The following LPIN3 variants were observed in gnomAD, a reference collection of about 807,000 sequenced individuals.
LPIN3 encodes lipin 3, also known as phosphatidate phosphatase LPIN3.
LPIN3 carries 82 observed loss-of-function variants against 94.7 expected under a neutral mutation model. The observed-to-expected ratio is 0.87, with a 90% CI of 0.72 to 1.04. The LOEUF (loss-of-function observed/expected upper bound fraction) is 1.04, where lower values mean the gene tolerates loss of function less well. Ranked by LOEUF, LPIN3 falls within the 50% of genes least tolerant of loss-of-function variation. The probability of loss-of-function intolerance (pLI) is 0.00; values close to 1 mark genes in which losing one functional copy is unlikely to be tolerated. For synonymous variants in LPIN3, 418 were observed against 443.3 expected, an observed-to-expected ratio of 0.94 and a Z score of 0.72; for missense variants, 996 against 1,090.5, an observed-to-expected ratio of 0.91 and a Z score of 1.22.
intron 2 of LPIN3, 90 bp downstream of exon 2, chr20:41,346,085 C>T: frequency 1.5e-6 from 2 of 1,329,374 alleles, no homozygotes; most frequent in Non-Finnish European, 1.0e-6. Flanking sequence ...GACCTGGGGC[C>T]TCCCTTAGGT....
Position 41,350,049 on chromosome 20 carries a change from C to CG in LPIN3, c.760-6_760-5insG. 6.3e-7 allele frequency: 1 copy of CG among 1,587,380 alleles called. No homozygotes were observed. The highest frequency in any genetic ancestry group is 8.6e-7 in the Non-Finnish European group (1 of 1,163,976). ...CCCACATCTTCCTCCATTTGTTCCA[C>CG]TAAAGGTGGCCAGAGCTGAGCGGCC... On this transcript the variant is annotated splice_region_variant and splice_polypyrimidine_tract_variant and intron_variant, in intron 6 of 19. Coordinates refer to ENST00000373257, the MANE Select transcript of LPIN3 (RefSeq NM_022896.3).
intron 9 of LPIN3, 145 bp downstream of exon 9, chr20:41,352,365 G>T (rs981728709): frequency 2.0e-6 from 2 of 992,092 alleles, no homozygotes; most frequent in African/African-American, 1.6e-5. Context: ...TCCACACTCC[G>T]CCAGCAGGGG....
chr20:41,358,944 T>TGGA lies in LPIN3; in HGVS notation c.*80_*82dup, dbSNP rs888802271. 1.3e-4 allele frequency: 208 copies of TGGA among 1,545,346 alleles called. 1 individual carries two copies. Among genetic ancestry groups the TGGA allele is most frequent in the Admixed American group, 8.2e-4 (44 of 53,396 alleles). On this transcript the variant is annotated 3_prime_UTR_variant, in exon 20 of 20. Coordinates refer to ENST00000373257, the MANE Select transcript of LPIN3 (RefSeq NM_022896.3). The stretch of plus-strand genomic sequence containing the variant: ...TCCTGGGGTATAGGAGGGTGGGAAT[T>TGGA]GGAGTGTCATGGGGCAAACCCACTG...
intron 1 of LPIN3, among the ~76,000 whole-genome samples, chr20:41,343,081 C>A (rs1033911914): frequency 2.0e-5 from 3 of 152,192 alleles, no homozygotes; most frequent in Non-Finnish European, 4.4e-5. Context: ...GTGCTACTGG[C>A]ATCTAATGGG....
chr20:41,354,782 C>A, intron 12 of LPIN3, 38 bp from the exon 13 acceptor site: 2 of 1,612,212 alleles, frequency 1.2e-6, no homozygotes, highest in Non-Finnish European at 1.7e-6. Context: ...CAGCACAGGG[C>A]GGGAGGTGGG....
Position 41,349,143 on chromosome 20 carries a change from C to T in LPIN3, c.609C>T (p.Tyr203=), listed in dbSNP as rs776447845. Reference sequence around the variant, plus strand: ...TGCAGCCCAAAGACATCTACCCCTACTCGGATGGCGAGTGGCCCCCCCAGG... The same window carrying T: ...TGCAGCCCAAAGACATCTACCCCTATTCGGATGGCGAGTGGCCCCCCCAGG... The part of the protein sequence containing the change: ...SSLQPKDIYP[Y]SDGEWPPQAS... Residue 203 remains tyrosine (Y), a synonymous_variant, in exon 5 of 20, where the codon TAC becomes TAT. Coordinates refer to ENST00000373257, the MANE Select transcript of LPIN3 (RefSeq NM_022896.3). 2.5e-6 allele frequency: 4 copies of T among 1,614,090 alleles called. No homozygotes were observed. The highest frequency in any genetic ancestry group is 1.3e-5 in the African/African-American group (1 of 74,942).
At chr20:41,342,835 G>A (rs1374947967) in intron 1 of LPIN3, among the ~76,000 whole-genome samples, 1 of 152,202 alleles carries the variant, frequency 6.6e-6, no homozygotes, top group Non-Finnish European at 1.5e-5. Context: ...ATCTGAGGGA[G>A]ATGGGTCTAA....
At chr20:41,349,735 G>T in intron 5 of LPIN3, 39 bp from the exon 6 acceptor site, 1 of 1,584,004 alleles carries the variant, frequency 6.3e-7, no homozygotes, top group South Asian at 1.1e-5. Flanking sequence ...AGCGGGGATG[G>T]GTAGGCAGGC....
At chr20:41,350,727 C>T (rs1425134791) in intron 7 of LPIN3, among the ~76,000 whole-genome samples, 1 of 151,990 alleles carries the variant, frequency 6.6e-6, no homozygotes, top group Non-Finnish European at 1.5e-5. Context: ...GCAGAGGAAA[C>T]AGTATGTGCC....
chr20:41,352,937 C>A, intron 11 of LPIN3, 70 bp downstream of exon 11: 1 of 1,548,172 alleles, frequency 6.5e-7, no homozygotes, highest in Non-Finnish European at 8.9e-7. Context: ...AGACCCTTAG[C>A]AAGGAAGTGA....
rs750769232 is a variant in LPIN3, at chr20:41,352,240, A to G, written c.1363+20A>G. 1 of 1,613,340 alleles carries G rather than the reference A, an allele frequency of 6.2e-7. No individual in the cohort carries two copies. Among genetic ancestry groups the G allele is most frequent in the Admixed American group, 1.7e-5 (1 of 59,998 alleles). On this transcript the variant is annotated intron_variant, in intron 9 of 19. Coordinates refer to ENST00000373257, the MANE Select transcript of LPIN3 (RefSeq NM_022896.3). ...CCCTAGGTATGTTCGACCATGGCCA[A>G]GCCCTTTTGAGGGCTGGTGCTGAGC...
chr20:41,349,833 C>G lies in LPIN3; in HGVS notation c.698C>G (p.Pro233Arg). The change falls in exon 6 of 20, where the codon CCG becomes CGG. Residue 233 changes from proline (P) to arginine (R), a missense_variant. By Grantham distance (103) the Pro-to-Arg change is moderately radical (BLOSUM62 -2). Coordinates refer to ENST00000373257, the MANE Select transcript of LPIN3 (RefSeq NM_022896.3). ...KSDSELEVRT[P>R]EPSPLRAESH... ...GACTCGGAGCTGGAGGTGCGGACCCCGGAGCCCAGTCCCCTAAGAGCCGAG... is the reference window on the plus strand; with the variant it reads ...GACTCGGAGCTGGAGGTGCGGACCCGGGAGCCCAGTCCCCTAAGAGCCGAG... 6.2e-7 allele frequency: 1 copy of G among 1,613,640 alleles called. No homozygotes were observed. The highest frequency in any genetic ancestry group is 8.5e-7 in the Non-Finnish European group (1 of 1,180,036).
Position 41,352,729 on chromosome 20 carries a change from C to T in LPIN3, c.1457+30C>T, listed in dbSNP as rs139319202. ...GTCCCAGAGCTGGGGCTGCTGGCAG[C>T]CGGAGAGTCATTTCCCTCTTCACAA... On this transcript the variant is annotated intron_variant, in intron 10 of 19. Transcript: ENST00000373257. 6.7e-5 allele frequency: 108 copies of T among 1,612,384 alleles called. No individual in the cohort carries two copies. In the African/African-American group the frequency reaches 1.3e-3, roughly 19 times the overall value.
At position 41,349,845 on chromosome 20, in the gene LPIN3, C is replaced by G. The variant is rs776946682; in HGVS notation, c.710C>G (p.Pro237Arg). Residue 237 changes from proline to arginine, a missense_variant, in exon 6 of 20, where the codon CCC becomes CGC. Pro to Arg is a moderately radical substitution (Grantham distance 103). Coordinates refer to ENST00000373257, the MANE Select transcript of LPIN3 (RefSeq NM_022896.3). ...GAGGTGCGGACCCCGGAGCCCAGTCCCCTAAGAGCCGAGTCCCACATGCAG... is the reference window on the plus strand; with the variant it reads ...GAGGTGCGGACCCCGGAGCCCAGTCGCCTAAGAGCCGAGTCCCACATGCAG... ...ELEVRTPEPS[P>R]LRAESHMQWA... 5 of 1,613,476 alleles carry G rather than the reference C, an allele frequency of 3.1e-6. No homozygotes were observed. The highest frequency in any genetic ancestry group is 2.2e-5 in the East Asian group (1 of 44,882).
Position 41,349,141 on chromosome 20 carries a change from T to G in LPIN3, c.607T>G (p.Tyr203Asp). ...SSLQPKDIYP[Y>D]SDGEWPPQAS... ...ACTGCAGCCCAAAGACATCTACCCC[T>G]ACTCGGATGGCGAGTGGCCCCCCCA... The change falls in exon 5 of 20, where the codon TAC (tyrosine) becomes GAC (aspartate). Residue 203 changes from tyrosine to aspartate, a missense_variant. Physicochemically the swap from Tyr to Asp is radical, Grantham distance 160. Transcript: ENST00000373257. 6.2e-7 allele frequency: 1 copy of G among 1,614,158 alleles called. No homozygotes were observed. The highest frequency in any genetic ancestry group is 8.5e-7 in the Non-Finnish European group (1 of 1,180,004).
chr20:41,357,293 G>A, intron 15 of LPIN3, 68 bp from the exon 16 acceptor site: 1 of 1,601,040 alleles, frequency 6.2e-7, no homozygotes, highest in Non-Finnish European at 8.5e-7. Context: ...CTTCCTGGTG[G>A]GCCATCCTGG....
At chr20:41,357,257 G>T in intron 15 of LPIN3, 69 bp downstream of exon 15, 1 of 1,605,418 alleles carries the variant, frequency 6.2e-7, no homozygotes, top group Non-Finnish European at 8.5e-7. Context: ...TGTGCTGGGT[G>T]TGGTGGGGAG....
intron 14 of LPIN3, among the ~76,000 whole-genome samples, chr20:41,356,268 G>C (rs951009943): frequency 2.0e-5 from 3 of 152,152 alleles, no homozygotes; most frequent in Non-Finnish European, 4.4e-5. Context: ...CTGTCTCTTA[G>C]GTCCTCCTAA....
intron 11 of LPIN3, 52 bp from the exon 12 acceptor site, chr20:41,354,593 A>G (rs2046141429): frequency 6.7e-7 from 1 of 1,492,330 alleles, no homozygotes; most frequent in East Asian, 2.3e-5. Flanking sequence ...AACGTAAGGT[A>G]GGAGGTTTAT....
Sources: allele counts gnomAD v4.1 joint callset (sites outside exome capture counted in the v4.1 genomes callset), GRCh38; gene constraint gnomAD v4.1.1; transcripts MANE v1.5; gene names NCBI Gene and HGNC (gene_info 2026-07-23, HGNC 2026-07-21).